The following DMD variants were observed in gnomAD, a reference collection of about 807,000 sequenced individuals.
The protein encoded by DMD is mutant dystrophin.
DMD carries 63 observed loss-of-function variants against 330.1 expected under a neutral mutation model. That is an observed-to-expected ratio of 0.19 (90% CI 0.16 to 0.24). The LOEUF is 0.24. Among genes scored for constraint, DMD ranks in the 10% least tolerant of loss-of-function variants. DMD has a pLI of 1.00. For missense variants in DMD, 3,344 were observed against 2,684.1 expected, an observed-to-expected ratio of 1.25 and a Z score of -5.43; for synonymous variants, 1,223 against 959.8, an observed-to-expected ratio of 1.27 and a Z score of -5.07.
chrX:32,319,339 T>TAAATAA, intron 41 of DMD, among the ~76,000 whole-genome samples: 1 of 111,009 alleles, frequency 9.0e-6, no homozygotes, highest in Non-Finnish European at 1.9e-5. Context: ...CTAGCCAACT[T>TAAATAA]ATAAGGCAGC....
intron 7 of DMD, among the ~76,000 whole-genome samples, chrX:32,724,429 A>C (rs1320738158): frequency 8.9e-6 from 1 of 111,874 alleles, no homozygotes; most frequent in African/African-American, 3.2e-5. Context: ...TGCTTATTTC[A>C]CACAAAATGG....
At chrX:31,564,943 A>G (rs1004249144) in intron 55 of DMD, among the ~76,000 whole-genome samples, 1 of 112,496 alleles carries the variant, frequency 8.9e-6, no homozygotes. Context: ...TAGGTGAAGC[A>G]TGAAAGTAAG....
intron 7 of DMD, among the ~76,000 whole-genome samples, chrX:32,740,737 G>C (rs937696318): frequency 9.0e-6 from 1 of 111,182 alleles, no homozygotes; most frequent in East Asian, 2.9e-4. Flanking sequence ...ACTACCTCTT[G>C]ATCTGTATCC....
chrX:33,165,375 C>A (rs1304216416), intron 1 of DMD, among the ~76,000 whole-genome samples: 5 of 111,598 alleles, frequency 4.5e-5, no homozygotes, highest in African/African-American at 1.3e-4. Context: ...ATCCAATAAA[C>A]AAGAACATCC....
chrX:33,288,681 A>T lies in DMD; in HGVS notation c.7+50578T>A, dbSNP rs2053469750. Among the ~76,000 whole-genome samples, 3 of 111,392 alleles carry T rather than the reference A, an allele frequency of 2.7e-5. No homozygotes were observed. The Admixed American group carries it at 2.9e-4, about 11-fold the overall frequency. ...CTCTATCATTTCCCTAAGTTCGCTA[A>T]TTCTTCGAAGCTTAAGAGCCATTGT... On this transcript the variant is annotated intron_variant, in intron 1 of 17. Transcript: ENST00000288447.
At chrX:33,236,271 T>C (rs1477225136) in intron 1 of DMD, among the ~76,000 whole-genome samples, 6 of 104,246 alleles carry the variant, frequency 5.8e-5, no homozygotes, top group Non-Finnish European at 9.8e-5. Flanking sequence ...CCTTTTTTTT[T>C]TTCTTTTTTT....
intron 48 of DMD, among the ~76,000 whole-genome samples, chrX:31,862,363 C>T (rs909300649): frequency 2.4e-4 from 27 of 110,353 alleles, no homozygotes; most frequent in Non-Finnish European, 1.9e-4. Flanking sequence ...GAACTCCTGA[C>T]CTCGTGATCC....
At chrX:32,121,912 A>AC (rs752819104) in intron 44 of DMD, among the ~76,000 whole-genome samples, 25 of 109,720 alleles carry the variant, frequency 2.3e-4, no homozygotes, top group African/African-American at 8.3e-4. Context: ...TTTTTGTCCA[A>AC]CCACTACAAA....
intron 2 of DMD, among the ~76,000 whole-genome samples, chrX:32,978,815 C>T (rs1031967993): frequency 4.5e-5 from 5 of 111,952 alleles, no homozygotes; most frequent in East Asian, 5.6e-4. Context: ...ATTTCCTTTG[C>T]TTCAAAATTT....
intron 29 of DMD, among the ~76,000 whole-genome samples, chrX:32,431,270 T>A (rs1255705728): frequency 9.0e-6 from 1 of 111,509 alleles, no homozygotes; most frequent in Non-Finnish European, 1.9e-5. Context: ...TTCTAACAGA[T>A]GTGAAGACAT....
In DMD at chrX:32,380,612, A is replaced by C; in HGVS notation, c.4743T>G (p.Asn1581Lys). The C allele has an allele frequency of 8.3e-7, 1 of 1,210,019 alleles. No individual in the cohort carries two copies. The highest frequency in any genetic ancestry group is 1.1e-6 in the Non-Finnish European group (1 of 894,464). Residue 1581 changes from asparagine (N) to lysine (K), a missense_variant, in exon 34 of 79, where the codon AAT becomes AAG. Physicochemically the swap from Asn to Lys is moderately conservative, Grantham distance 94 (BLOSUM62 0). Coordinates refer to ENST00000357033, the MANE Select transcript of DMD (RefSeq NM_004006.3). Reference protein sequence around the residue: ...KLSRKMRKEMNVLTEWLAATD... With the variant: ...KLSRKMRKEMKVLTEWLAATD... ...TAGCTGCCAGCCATTCTGTCAAGACATTCATTTCCTTTCGCATCTTACGGG... is the reference window on the plus strand; with the variant it reads ...TAGCTGCCAGCCATTCTGTCAAGACCTTCATTTCCTTTCGCATCTTACGGG...
chrX:31,509,980 T>C (rs977968280), intron 55 of DMD, among the ~76,000 whole-genome samples: 1 of 112,263 alleles, frequency 8.9e-6, no homozygotes, highest in Non-Finnish European at 1.9e-5. Context: ...GACTCCTTCC[T>C]TTAGAAATGC....
intron 44 of DMD, among the ~76,000 whole-genome samples, chrX:32,209,710 A>T (rs1458236854): frequency 9.0e-6 from 1 of 111,016 alleles, no homozygotes. Context: ...TAAGAATGGG[A>T]ATCCCTTAGG....
Position 32,628,169 on chromosome X carries a change from A to G in DMD, c.1332-13716T>C, listed in dbSNP as rs186160512. Reference sequence around the variant, plus strand: ...ATCTAACTATATTTTTGTACCCATTAATGATCCCCACTGCCCCCGACCCAC... The same window carrying G: ...ATCTAACTATATTTTTGTACCCATTGATGATCCCCACTGCCCCCGACCCAC... On this transcript the variant is annotated intron_variant, in intron 11 of 78. Coordinates refer to ENST00000357033, the MANE Select transcript of DMD (RefSeq NM_004006.3). Among the ~76,000 whole-genome samples the G allele has an allele frequency of 1.7e-4, 18 of 105,743 alleles. No homozygotes were observed. In the East Asian group the frequency reaches 5.3e-3, roughly 31 times the overall value. The allele number at this position is 105,743 out of a possible 115,157, so 91.8% of individuals were successfully genotyped here.
At chrX:33,182,802 A>T (rs1025412555) in intron 1 of DMD, among the ~76,000 whole-genome samples, 1 of 112,557 alleles carries the variant, frequency 8.9e-6, no homozygotes, top group Non-Finnish European at 1.9e-5. Context: ...TTGTAAGAGA[A>T]GGAATCCTAT....
intron 34 of DMD, among the ~76,000 whole-genome samples, chrX:32,373,763 T>C (rs886304767): frequency 1.8e-5 from 2 of 111,705 alleles, no homozygotes; most frequent in African/African-American, 6.5e-5. Flanking sequence ...TGAGAGAGTC[T>C]CTTAGGCATT....
intron 51 of DMD, among the ~76,000 whole-genome samples, chrX:31,763,658 A>C (rs1054742358): frequency 8.9e-6 from 1 of 111,982 alleles, no homozygotes; most frequent in Non-Finnish European, 1.9e-5. Context: ...GCAGGAATAA[A>C]TCTCAAAGGC....
At chrX:31,494,395 T>C (rs1477774545) in intron 57 of DMD, among the ~76,000 whole-genome samples, 3 of 111,083 alleles carry the variant, frequency 2.7e-5, no homozygotes, top group Non-Finnish European at 5.7e-5. Context: ...ATTTAGATGA[T>C]TGAATCTAAG....
At chrX:33,012,599 G>T (rs953780048) in intron 2 of DMD, among the ~76,000 whole-genome samples, 1 of 111,367 alleles carries the variant, frequency 9.0e-6, no homozygotes, top group African/African-American at 3.3e-5. Flanking sequence ...AATAGTGTAA[G>T]GTGATACTCA....
Sources: gnomAD v4.1 joint callset for allele counts (sites outside exome capture counted in the v4.1 genomes callset) on GRCh38, gnomAD v4.1.1 for gene constraint, MANE v1.5 for transcripts, NCBI Gene and HGNC (gene_info 2026-07-23, HGNC 2026-07-21) for gene names.